The following AMZ2 variants were observed in gnomAD, a reference collection of about 807,000 sequenced individuals.
The protein encoded by AMZ2 is archaemetzincin-2.
In AMZ2, 26 loss-of-function variants were observed where a neutral mutation model predicts 36.7. The observed-to-expected ratio is 0.71, with a 90% confidence interval of 0.52 to 0.98. The LOEUF (loss-of-function observed/expected upper bound fraction) is 0.98. AMZ2 is among the 50% of genes least tolerant of loss of function. The probability of loss-of-function intolerance (pLI) is 0.00; values close to 1 mark genes in which losing one functional copy is unlikely to be tolerated. For synonymous variants in AMZ2, 144 were observed against 149.1 expected (o/e 0.97, Z 0.25); for missense variants, 394 against 430.5 (o/e 0.92, Z 0.75).
chr17:68,224,729 T>C (rs2073467363), intron 1 of AMZ2, among the ~76,000 whole-genome samples: 1 of 152,088 alleles, frequency 6.6e-6, no homozygotes, highest in Non-Finnish European at 1.5e-5. Flanking sequence ...TTCTTAGAGT[T>C]GGGGTCTTCC....
intron 1 of AMZ2, among the ~76,000 whole-genome samples, chr17:68,240,127 T>C (rs577910427): frequency 6.6e-6 from 1 of 152,266 alleles, no homozygotes; most frequent in South Asian, 2.1e-4. Flanking sequence ...AGGGCCTGCT[T>C]TCTGGTTCAG....
At chr17:68,221,496 G>A (rs1250101376) in intron 1 of AMZ2, among the ~76,000 whole-genome samples, 4 of 152,066 alleles carry the variant, frequency 2.6e-5, no homozygotes, top group African/African-American at 4.8e-5. Flanking sequence ...TTGGGAGGCC[G>A]AGGCAGGCGG....
rs2074124585 is a variant in AMZ2, at chr17:68,248,059, G to A, written c.-647G>A. On this transcript the variant is annotated 5_prime_UTR_variant, in exon 1 of 7. The change creates a new upstream start codon in the 5' untranslated region. Coordinates refer to ENST00000359904, the MANE Select transcript of AMZ2 (RefSeq NM_016627.5). ...GCGTGGCGCAGTGCGAAGGGACGCG[G>A]TGCGCATGCGCGTGAGGGCTGCCGC... is the stretch of plus-strand genomic sequence containing the variant. The A allele has an allele frequency of 2.5e-5, 25 of 986,206 alleles. No homozygotes were observed. The South Asian group carries it at 3.7e-4, about 15-fold the overall frequency. The allele number at this position is 986,206 out of a possible 1,614,324, so 61.1% of individuals were successfully genotyped here.
chr17:68,216,815 G>A (rs2073207436), intron 1 of AMZ2, among the ~76,000 whole-genome samples: 1 of 152,188 alleles, frequency 6.6e-6, no homozygotes. Context: ...CAGATCACAA[G>A]GTCAGGAGTT....
In AMZ2 at chr17:68,250,390, A is replaced by C; in HGVS notation, c.203A>C (p.Gln68Pro). The change falls in exon 2 of 7, where the codon CAA becomes CCA. Residue 68 changes from glutamine to proline, a missense_variant. Coordinates refer to ENST00000359904, the MANE Select transcript of AMZ2 (RefSeq NM_016627.5). ...ATCACCTCCCACCCTGAGGCTCCCC[A>C]AGACTTTGAACAGTTCTTCAGTGAT... ...DWITSHPEAPQDFEQFFSDPY... is the reference protein window; with the variant it reads ...DWITSHPEAPPDFEQFFSDPY... The C allele has an allele frequency of 6.2e-7, 1 of 1,614,150 alleles. No homozygotes were observed. The highest frequency in any genetic ancestry group is 8.5e-7 in the Non-Finnish European group (1 of 1,180,026).
intron 1 of AMZ2, 70 bp from the exon 2 acceptor site, chr17:68,250,118 A>G (rs1568374833): frequency 6.7e-6 from 10 of 1,489,952 alleles, no homozygotes; most frequent in African/African-American, 1.4e-5. Context: ...GAGCTGAAAT[A>G]TAGAGGATAG....
At chr17:68,217,229 C>CTTTTT (rs71142145) in intron 1 of AMZ2, among the ~76,000 whole-genome samples, 46,319 of 151,640 alleles carry the variant, frequency 0.31, 7,159 homozygotes, top group African/African-American at 0.35. Context: ...ACTCAGATGA[C>CTTTTT]AAATACCTGT....
At chr17:68,240,989 C>T (rs1341028726) in intron 1 of AMZ2, among the ~76,000 whole-genome samples, 8 of 152,246 alleles carry the variant, frequency 5.3e-5, no homozygotes, top group South Asian at 2.1e-4. Flanking sequence ...TGAAACCAAA[C>T]GAGTCAGCCA....
At chr17:68,208,655 C>T (rs559461608) in intron 1 of AMZ2, among the ~76,000 whole-genome samples, 2 of 152,294 alleles carry the variant, frequency 1.3e-5, no homozygotes, top group East Asian at 1.9e-4. Context: ...TGTTCTTTCG[C>T]TCTTTGTGGT....
intron 1 of AMZ2, among the ~76,000 whole-genome samples, chr17:68,232,468 C>CAGTT (rs1272438022): frequency 1.4e-5 from 2 of 146,350 alleles, no homozygotes; most frequent in African/African-American, 2.6e-5. Flanking sequence ...TGCACTCGAG[C>CAGTT]CTGGGTGACA....
rs16972851 is a variant in AMZ2 at position 68,248,253 on chromosome 17, C to G, written c.-453C>G. 1 of 985,890 alleles carries G rather than the reference C, an allele frequency of 1.0e-6. No individual in the cohort carries two copies. Among genetic ancestry groups the G allele is most frequent in the South Asian group, 4.7e-5 (1 of 21,362 alleles). The allele number at this position is 985,890 out of a possible 1,614,324, so 61.1% of individuals were successfully genotyped here. A position where few individuals can be genotyped will look rare whatever the true frequency, so the allele number is the denominator to read the frequency against. ...CGGACGTGGCGGAAGCCGCGGGGTC[C>G]GCGGGGTCGGTGCCTCTAGGGAGCC... On this transcript the variant is annotated 5_prime_UTR_variant, in exon 1 of 7. Transcript: ENST00000359904.
rs1322446681 is a variant in AMZ2 at position 68,209,628 on chromosome 17, A to ATG, written c.-67+3391_-67+3392insGT. Among the ~76,000 whole-genome samples the ATG allele has an allele frequency of 5.9e-4, 58 of 98,510 alleles. 1 individual carries two copies. The highest frequency in any genetic ancestry group is 1.6e-3 in the East Asian group (5 of 3,096). 64.6% of individuals were successfully genotyped at this position (98,510 alleles called of 152,430 possible). A position where few individuals can be genotyped will look rare whatever the true frequency, so the allele number is the denominator to read the frequency against. On this transcript the variant is annotated intron_variant, in intron 1 of 7. Coordinates refer to the AMZ2 transcript ENST00000674770. ...TGTATATGTATATATATATATATAT[A>ATG]TATATTTTTTTTTTTTTTTATACAG...
intron 1 of AMZ2, among the ~76,000 whole-genome samples, chr17:68,221,209 T>TCCCCCCCCCCCCCCCCCCCCCCCC (rs55937321): frequency 7.5e-5 from 5 of 66,774 alleles, no homozygotes; most frequent in Non-Finnish European, 1.1e-4. Context: ...AGCCCTCAGC[T>TCCCCCCCCCCCCCCCCCCCCCCCC]CCCCCCCCCG....
chr17:68,211,768 G>A (rs12947099), intron 1 of AMZ2, among the ~76,000 whole-genome samples: 3,986 of 112,396 alleles, frequency 0.035, 236 homozygotes, highest in African/African-American at 0.14. Context: ...ATGTATATAT[G>A]TGTATATGTA....
chr17:68,255,120 A>G (rs1305784438), intron 5 of AMZ2, among the ~76,000 whole-genome samples: 6 of 152,170 alleles, frequency 3.9e-5, no homozygotes, highest in African/African-American at 1.2e-4. Context: ...TTTGACAGCT[A>G]CACCTCTGAG....
At chr17:68,232,465 G>A (rs551944705) in intron 1 of AMZ2, among the ~76,000 whole-genome samples, 2 of 147,730 alleles carry the variant, frequency 1.4e-5, no homozygotes, top group East Asian at 4.0e-4. Context: ...TGCTGCACTC[G>A]AGCCTGGGTG....
At chr17:68,237,584 T>C (rs11869389) in intron 1 of AMZ2, among the ~76,000 whole-genome samples, 85,616 of 151,980 alleles carry the variant, frequency 0.56, 25,346 homozygotes, top group African/African-American at 0.76. Context: ...AGTGGGGAGT[T>C]GCTGACTGCC....
chr17:68,223,900 T>A (rs184523745), intron 1 of AMZ2, among the ~76,000 whole-genome samples: 3,104 of 80,488 alleles, frequency 0.039, 85 homozygotes, highest in African/African-American at 0.091. Flanking sequence ...ATATATATAT[T>A]TTTTTTTGAA....
At chr17:68,214,995 G>A (rs1555726892) in intron 1 of AMZ2, among the ~76,000 whole-genome samples, 2 of 152,172 alleles carry the variant, frequency 1.3e-5, no homozygotes, top group Non-Finnish European at 2.9e-5. Flanking sequence ...TGTTACTCAG[G>A]CTGGTCTCGA....
Sources: allele counts gnomAD v4.1 joint callset (sites outside exome capture counted in the v4.1 genomes callset), GRCh38; gene constraint gnomAD v4.1.1; transcripts MANE v1.5; gene names NCBI Gene and HGNC (gene_info 2026-07-23, HGNC 2026-07-21).